The following EXOC3 variants were observed in gnomAD, a reference collection of about 807,000 sequenced individuals.
EXOC3 encodes exocyst complex component 3, also known as SEC6-like 1.
In EXOC3, 21 loss-of-function variants were observed where a neutral mutation model predicts 73.7. That is an observed-to-expected ratio of 0.29 (90% CI 0.20 to 0.41). EXOC3 has a LOEUF of 0.41. Ranked by LOEUF, EXOC3 falls within the 10% of genes least tolerant of loss-of-function variation. The probability of loss-of-function intolerance (pLI) is 1.00; values close to 1 mark genes in which losing one functional copy is unlikely to be tolerated. For synonymous variants in EXOC3, 410 were observed against 389.1 expected, an observed-to-expected ratio of 1.05 and a Z score of -0.63; for missense variants, 842 against 985.1, an observed-to-expected ratio of 0.85 and a Z score of 1.95.
chr5:448,136 A>T (rs1321253685), intron 3 of EXOC3, among the ~76,000 whole-genome samples: 1 of 152,214 alleles, frequency 6.6e-6, no homozygotes, highest in Admixed American at 6.5e-5. Flanking sequence ...TGTGCATGGG[A>T]CAGAGCAAGC....
At position 462,008 on chromosome 5, in the gene EXOC3, G is replaced by T. The variant is rs1429131126; in HGVS notation, c.1440G>T (p.Arg480=). Residue 480 remains arginine, a synonymous_variant, in exon 8 of 13, where the codon CGG becomes CGT. Transcript: ENST00000512944. Reference sequence around the variant, plus strand: ...ATAAAGAAGAGCACCTGAGGAATCGGCAGCACCCTCACTGCTACGTTCAGT... The same window carrying T: ...ATAAAGAAGAGCACCTGAGGAATCGTCAGCACCCTCACTGCTACGTTCAGT... ...QLYKEEHLRN[R]QHPHCYVQYM... is the part of the protein sequence containing the mutation. 2.5e-6 allele frequency: 4 copies of T among 1,606,620 alleles called. No individual in the cohort carries two copies. Among genetic ancestry groups the T allele is most frequent in the African/African-American group, 1.3e-5 (1 of 74,770 alleles).
chr5:445,722 C>A (rs948756162), intron 1 of EXOC3, among the ~76,000 whole-genome samples: 1 of 152,104 alleles, frequency 6.6e-6, no homozygotes, highest in Admixed American at 6.5e-5. Flanking sequence ...GGTACCTGGT[C>A]GGGGGAGTTG....
chr5:456,900 T>A lies in EXOC3; in HGVS notation c.1058T>A (p.Met353Lys). 1 of 1,613,428 alleles carries A rather than the reference T, an allele frequency of 6.2e-7. No individual in the cohort carries two copies. The highest frequency in any genetic ancestry group is 8.5e-7 in the Non-Finnish European group (1 of 1,179,350). ...VLNTYTSTEM[M>K]RNVELAPEVD... ...TGGTTCCCCCATAGTACTGAGATGATGAGGAACGTGGAGCTGGCCCCGGAA... is the reference window on the plus strand; with the variant it reads ...TGGTTCCCCCATAGTACTGAGATGAAGAGGAACGTGGAGCTGGCCCCGGAA... Residue 353 changes from methionine (M) to lysine (K), a missense_variant, in exon 5 of 13, where the codon ATG becomes AAG. Met to Lys is a moderately conservative substitution (Grantham distance 95). Transcript: ENST00000512944.
At chr5:465,603 A>G (rs1738123520) in intron 11 of EXOC3, 115 bp from the exon 12 acceptor site, 7 of 1,321,660 alleles carry the variant, frequency 5.3e-6, no homozygotes, top group Non-Finnish European at 7.3e-6. Flanking sequence ...GTAGATCCTG[A>G]GGAGTCAGGT....
intron 9 of EXOC3, among the ~76,000 whole-genome samples, 184 bp from the exon 10 acceptor site, chr5:464,106 G>C (rs1738064647): frequency 6.6e-6 from 1 of 152,202 alleles, no homozygotes; most frequent in Admixed American, 6.5e-5. Flanking sequence ...TTGAGGTGAG[G>C]AAGTGCCTCC....
chr5:465,939 G>C (rs760813159), intron 12 of EXOC3, 94 bp downstream of exon 12: 3 of 1,405,648 alleles, frequency 2.1e-6, no homozygotes, highest in Non-Finnish European at 2.9e-6. Flanking sequence ...CTCCTGGTTC[G>C]CAAGTTCAGC....
chr5:464,773 C>G lies in EXOC3; in HGVS notation c.1777-338C>G, dbSNP rs1040055859. On this transcript the variant is annotated intron_variant, in intron 10 of 12. Transcript: ENST00000512944. ...TTCCTCTTTCCTCCAAAGTGCCTGC[C>G]GCGTTTTCCAGATGCTGCGGTCGTT... The G allele has an allele frequency of 9.3e-6, 4 of 428,514 alleles. No individual in the cohort carries two copies. In the East Asian group the frequency reaches 1.3e-4, roughly 14 times the overall value. 26.5% of individuals were successfully genotyped at this position (428,514 alleles called of 1,614,324 possible). A position where few individuals can be genotyped will look rare whatever the true frequency, so the allele number is the denominator to read the frequency against.
intron 11 of EXOC3, among the ~76,000 whole-genome samples, 181 bp from the exon 12 acceptor site, chr5:465,537 C>T (rs1738121072): frequency 6.6e-6 from 1 of 152,250 alleles, no homozygotes; most frequent in Non-Finnish European, 1.5e-5. Flanking sequence ...GTGCTGGCTG[C>T]CTCCCACGGT....
intron 5 of EXOC3, chr5:457,660 C>T (rs1213734505): frequency 2.4e-6 from 1 of 422,914 alleles, no homozygotes; most frequent in Non-Finnish European, 4.3e-6. Context: ...CATCTAGTTT[C>T]TTCTCCCTCT....
intron 4 of EXOC3, among the ~76,000 whole-genome samples, chr5:455,165 T>C (rs1737774202): frequency 6.6e-6 from 1 of 152,172 alleles, no homozygotes; most frequent in African/African-American, 2.4e-5. Flanking sequence ...CCTCCGTGCC[T>C]GGTGTGTGTC....
In EXOC3 at chr5:457,964, C is replaced by G. The variant is rs1394042004; in HGVS notation, c.1229C>G (p.Thr410Arg). ...ETDKKDWVKE[T>R]EPEADQDGYY... is the part of the protein sequence containing the mutation. ...GACAAGAAAGACTGGGTCAAAGAGA[C>G]AGAGCCAGAAGCCGACCAGGACGGG... Residue 410 changes from threonine to arginine, a missense_variant, in exon 6 of 13, where the codon ACA (threonine) becomes AGA (arginine). Thr to Arg is a moderately conservative substitution (Grantham distance 71, BLOSUM62 -1). Transcript: ENST00000512944. 2 of 1,612,378 alleles carry G rather than the reference C, an allele frequency of 1.2e-6. No individual in the cohort carries two copies. The highest frequency in any genetic ancestry group is 2.7e-5 in the African/African-American group (2 of 74,896).
chr5:445,871 G>C (rs1267037052), intron 1 of EXOC3, among the ~76,000 whole-genome samples: 2 of 152,196 alleles, frequency 1.3e-5, no homozygotes, highest in African/African-American at 4.8e-5. Flanking sequence ...ACATCTACAT[G>C]CTGGGTGGTC....
rs771794323 is a variant in EXOC3, at chr5:462,256, C to G, written c.1602C>G (p.Ile534Met). The G allele has an allele frequency of 6.2e-7, 1 of 1,613,970 alleles. No homozygotes were observed. The highest frequency in any genetic ancestry group is 8.5e-7 in the Non-Finnish European group (1 of 1,179,894). The change falls in exon 9 of 13, where the codon ATC (isoleucine) becomes ATG (methionine). Residue 534 changes from isoleucine (I) to methionine (M), a missense_variant. Transcript: ENST00000512944. Reference sequence around the variant, plus strand: ...GCATGGACGGGATTTTAGACGCCATCGCGAAGGAGGGCTGCAGCGGTTTGC... The same window carrying G: ...GCATGGACGGGATTTTAGACGCCATGGCGAAGGAGGGCTGCAGCGGTTTGC... The part of the protein sequence containing the change: ...QPSMDGILDA[I>M]AKEGCSGLLE...
chr5:457,681 C>G (rs1227364218), intron 5 of EXOC3: 2 of 512,164 alleles, frequency 3.9e-6, no homozygotes, highest in Non-Finnish European at 7.0e-6. Flanking sequence ...TTATCTGTAC[C>G]AAGGGTTCCA....
In EXOC3 at chr5:443,236, GGC is replaced by G. The variant is rs1560933081; in HGVS notation, c.-109_-108del. ...AGGCGGAGGGGGCGGCGGGGGCGGC[GGC>G]GGCGGCGGCGGCGGCGGCGGCGGCG... On this transcript the variant is annotated 5_prime_UTR_variant, in exon 1 of 13. Coordinates refer to ENST00000512944, the MANE Select transcript of EXOC3 (RefSeq NM_007277.5). 6.0e-4 allele frequency: 2 copies of G among 3,356 alleles called. No homozygotes were observed. The highest frequency in any genetic ancestry group is 8.9e-3 in the African/African-American group (2 of 224). 0.2% of individuals were successfully genotyped at this position (3,356 alleles called of 1,614,324 possible).
Position 444,146 on chromosome 5 carries a change from C to G in EXOC3, c.-57+856C>G, listed in dbSNP as rs1238870331. The stretch of plus-strand genomic sequence containing the variant: ...GGTGTCCCCCCGCTCGGCGGAGAGG[C>G]TCACAGCGGAGCCAGCGCCAGGGGA... On this transcript the variant is annotated intron_variant, in intron 1 of 12. Transcript: ENST00000512944. Among the ~76,000 whole-genome samples, 7 of 152,238 alleles carry G rather than the reference C, an allele frequency of 4.6e-5. No homozygotes were observed. The South Asian group carries it at 1.4e-3, about 31-fold the overall frequency.
chr5:450,342 A>C (rs1384834714), intron 3 of EXOC3, among the ~76,000 whole-genome samples: 4 of 152,204 alleles, frequency 2.6e-5, no homozygotes, highest in Admixed American at 2.6e-4. Flanking sequence ...CAAATTGGTG[A>C]ATTTTACAGT....
chr5:445,733 T>C (rs1021840377), intron 1 of EXOC3, among the ~76,000 whole-genome samples: 4 of 152,136 alleles, frequency 2.6e-5, no homozygotes, highest in African/African-American at 9.7e-5. Context: ...GGGGGAGTTG[T>C]CCACGCTGTA....
chr5:454,453 C>T (rs533220574), intron 4 of EXOC3, among the ~76,000 whole-genome samples: 1 of 152,226 alleles, frequency 6.6e-6, no homozygotes, highest in Non-Finnish European at 1.5e-5. Context: ...ACATGGCCAC[C>T]CCACTGGGGA....
Sources: gnomAD v4.1 joint callset for allele counts (sites outside exome capture counted in the v4.1 genomes callset) on GRCh38, gnomAD v4.1.1 for gene constraint, MANE v1.5 for transcripts, NCBI Gene and HGNC (gene_info 2026-07-23, HGNC 2026-07-21) for gene names.